AHCTF1: variants seen among roughly 807,000 people sequenced by gnomAD.
AHCTF1 encodes protein ELYS.
Under a neutral mutation model 248.4 loss-of-function variants are expected in AHCTF1, and 24 were observed. That is an observed-to-expected ratio of 0.10 (90% CI 0.07 to 0.14). AHCTF1 has a LOEUF of 0.14. AHCTF1 is among the 10% of genes least tolerant of loss of function. AHCTF1 has a pLI of 1.00. For missense variants in AHCTF1, 2,206 were observed against 2,636.2 expected (o/e 0.84, Z 3.57); for synonymous variants, 786 against 929.8 (o/e 0.85, Z 2.81).
intron 29 of AHCTF1, among the ~76,000 whole-genome samples, chr1:246,859,097 A>G (rs1012957362): frequency 2.0e-5 from 3 of 152,210 alleles, no homozygotes; most frequent in African/African-American, 7.2e-5. Flanking sequence ...GTAAATTTCT[A>G]GACATATGCT....
intron 35 of AHCTF1, among the ~76,000 whole-genome samples, chr1:246,842,289 T>C (rs1364887638): frequency 1.3e-5 from 2 of 151,876 alleles, no homozygotes; most frequent in Admixed American, 1.3e-4. Context: ...TGGATAAAAA[T>C]TACAGAACAA....
chr1:246,886,440 A>G (rs141866586), intron 20 of AHCTF1, among the ~76,000 whole-genome samples: 3,126 of 152,328 alleles, frequency 0.021, 118 homozygotes, highest in African/African-American at 0.072. Context: ...ATTAGATGTT[A>G]TAAGTAATCT....
At chr1:246,931,056 C>T in intron 1 of AHCTF1, 1 of 1,526,782 alleles carries the variant, frequency 6.5e-7, no homozygotes, top group Non-Finnish European at 8.8e-7. Context: ...TCTCCTTGAT[C>T]TGACCAATCG....
intron 14 of AHCTF1, among the ~76,000 whole-genome samples, chr1:246,893,267 ATTTCATGACAACAG>A (rs1572426326): frequency 6.6e-6 from 1 of 152,228 alleles, no homozygotes; most frequent in African/African-American, 2.4e-5. Context: ...CACTTAAATT[ATTTCATGACAACAG>A]TTTCATAAGT....
chr1:246,887,256 A>G lies in AHCTF1; in HGVS notation c.2427T>C (p.Val809=). The G allele has an allele frequency of 6.2e-7, 1 of 1,613,636 alleles. No individual in the cohort carries two copies. The highest frequency in any genetic ancestry group is 8.5e-7 in the Non-Finnish European group (1 of 1,179,736). ...TCAACCAAAACCCCTGAATAAGTTT[A>G]ACTTGGCCCCAAGAAATGGCAAATA... ...PTVFAISWGQ[V]KLIQGFWLID... is the part of the protein sequence containing the mutation. Residue 809 remains valine (V), a synonymous_variant, in exon 20 of 36, where the codon GTT becomes GTC. Transcript: ENST00000648844.
rs745471437 is a variant in AHCTF1, at chr1:246,905,657, T to C, written c.765A>G (p.Glu255=). ...ALWNMKSMKR[E]YYIQLESGQV... ...GTCCACTTTCCAATTGTATGTAATA[T>C]CTGAAACAAATTAGTATATTTCATA... The change falls in exon 6 of 36, where the codon GAA becomes GAG. Residue 255 remains glutamate, a splice_region_variant and synonymous_variant. Coordinates refer to ENST00000648844, the MANE Select transcript of AHCTF1 (RefSeq NM_001323342.2). The C allele has an allele frequency of 1.9e-6, 3 of 1,597,460 alleles. No homozygotes were observed. Among genetic ancestry groups the C allele is most frequent in the Non-Finnish European group, 2.6e-6 (3 of 1,165,214 alleles).
intron 35 of AHCTF1, 96 bp from the exon 36 acceptor site, chr1:246,841,094 T>C (rs1659834098): frequency 2.0e-6 from 2 of 986,584 alleles, no homozygotes; most frequent in Non-Finnish European, 2.9e-6. Context: ...TAGGGACTGC[T>C]TAGTGCTTTC....
intron 14 of AHCTF1, 93 bp downstream of exon 14, chr1:246,894,566 T>A: frequency 9.4e-7 from 1 of 1,065,168 alleles, no homozygotes; most frequent in Non-Finnish European, 1.4e-6. Context: ...GTTTACAACT[T>A]CAAAATGATT....
intron 29 of AHCTF1, among the ~76,000 whole-genome samples, chr1:246,859,497 C>G (rs896915627): frequency 1.3e-5 from 2 of 152,146 alleles, no homozygotes; most frequent in Non-Finnish European, 2.9e-5. Flanking sequence ...TCTTCAACAC[C>G]TAGAATAAAC....
intron 33 of AHCTF1, among the ~76,000 whole-genome samples, chr1:246,845,047 G>A (rs187287311): frequency 6.6e-6 from 1 of 151,928 alleles, no homozygotes; most frequent in South Asian, 2.1e-4. Flanking sequence ...TGTGTGGCAG[G>A]GTAGGTGGTA....
intron 33 of AHCTF1, among the ~76,000 whole-genome samples, chr1:246,848,481 G>A (rs1311125380): frequency 6.6e-6 from 1 of 151,838 alleles, no homozygotes; most frequent in East Asian, 2.0e-4. Flanking sequence ...GATTACAGGC[G>A]TGAGCCACCG....
At chr1:246,924,476 CAT>C (rs918948070) in intron 1 of AHCTF1, among the ~76,000 whole-genome samples, 9 of 151,462 alleles carry the variant, frequency 5.9e-5, no homozygotes, top group South Asian at 2.1e-4. Context: ...AATTTTAAAA[CAT>C]ATATATATAA....
At position 246,843,930 on chromosome 1, in the gene AHCTF1, TA is replaced by T. The variant is rs746328158; in HGVS notation, c.6392-3del. On this transcript the variant is annotated splice_polypyrimidine_tract_variant and splice_region_variant and intron_variant, in intron 33 of 35. Coordinates refer to ENST00000648844, the MANE Select transcript of AHCTF1 (RefSeq NM_001323342.2). ...GTGCAGGAACCTCTATTTTTTTAGC[TA>T]AAAAAAGTTGAAAAAACTGTATCTG... The T allele has an allele frequency of 1.4e-5, 20 of 1,437,604 alleles. No homozygotes were observed. Among genetic ancestry groups the T allele is most frequent in the South Asian group, 7.0e-5 (4 of 57,004 alleles). 89.1% of individuals were successfully genotyped at this position (1,437,604 alleles called of 1,614,324 possible).
Position 246,885,686 on chromosome 1 carries a change from A to G in AHCTF1, c.2473-6T>C, listed in dbSNP as rs1241813994. On this transcript the variant is annotated splice_region_variant and splice_polypyrimidine_tract_variant and intron_variant, in intron 20 of 35. Coordinates refer to ENST00000648844, the MANE Select transcript of AHCTF1 (RefSeq NM_001323342.2). ...AACAAAAGATCCAAACCACTCTGGA[A>G]ATAACATGAAAAATGTTAAATATAA... 6.2e-7 allele frequency: 1 copy of G among 1,603,392 alleles called. No homozygotes were observed. The highest frequency in any genetic ancestry group is 1.7e-5 in the Admixed American group (1 of 59,346).
intron 27 of AHCTF1, 88 bp downstream of exon 27, chr1:246,863,836 A>G: frequency 1.6e-6 from 2 of 1,282,146 alleles, no homozygotes; most frequent in Non-Finnish European, 2.2e-6. Context: ...CAAGCGTATC[A>G]GTTATAAATT....
intron 21 of AHCTF1, among the ~76,000 whole-genome samples, chr1:246,884,051 G>A (rs1436027977): frequency 3.3e-5 from 5 of 152,098 alleles, no homozygotes; most frequent in Non-Finnish European, 5.9e-5. Context: ...ACTAAACAGT[G>A]AGAGGTACAT....
chr1:246,841,098 T>C (rs1659834538), intron 35 of AHCTF1, 100 bp from the exon 36 acceptor site: 3 of 948,806 alleles, frequency 3.2e-6, no homozygotes, highest in African/African-American at 1.7e-5. Flanking sequence ...GACTGCTTAG[T>C]GCTTTCATTT....
intron 1 of AHCTF1, among the ~76,000 whole-genome samples, chr1:246,925,061 CCT>C (rs145867818): frequency 0.018 from 2,774 of 152,214 alleles, 39 homozygotes; most frequent in Non-Finnish European, 0.028. Flanking sequence ...GTTGTTTTCC[CCT>C]CTGACAGCCT....
chr1:246,898,367 C>G (rs1375510413), intron 11 of AHCTF1, 31 bp from the exon 12 acceptor site: 4 of 1,576,512 alleles, frequency 2.5e-6, no homozygotes, highest in Non-Finnish European at 3.4e-6. Context: ...AGGCATCAAT[C>G]AATGCTCAAT....
Sources: gnomAD v4.1 joint callset for allele counts (sites outside exome capture counted in the v4.1 genomes callset) on GRCh38, gnomAD v4.1.1 for gene constraint, MANE v1.5 for transcripts, NCBI Gene and HGNC (gene_info 2026-07-23, HGNC 2026-07-21) for gene names.